The following BACH2 variants were observed in gnomAD, a reference collection of about 807,000 sequenced individuals.
BACH2 encodes BACH transcriptional regulator 2.
A neutral mutation model predicts 61.8 loss-of-function variants in BACH2; 5 were observed. The ratio of observed to expected loss-of-function variants is 0.08; its 90% CI spans 0.04 to 0.17. BACH2 has a LOEUF of 0.17. Ranked by LOEUF, BACH2 falls within the 10% of genes least tolerant of loss-of-function variation. BACH2 has a pLI of 1.00. For missense variants in BACH2, 824 were observed against 1,091.1 expected, an observed-to-expected ratio of 0.76 and a Z score of 3.45; for synonymous variants, 446 against 440.1, an observed-to-expected ratio of 1.01 and a Z score of -0.17.
intron 4 of BACH2, among the ~76,000 whole-genome samples, chr6:90,192,802 A>G (rs1402437891): frequency 6.6e-6 from 1 of 152,234 alleles, no homozygotes; most frequent in Non-Finnish European, 1.5e-5. Flanking sequence ...ACAGTAAGCA[A>G]CCTTAGGCAC....
intron 1 of BACH2, among the ~76,000 whole-genome samples, chr6:90,293,197 C>T (rs943080957): frequency 6.6e-6 from 1 of 152,150 alleles, no homozygotes; most frequent in Non-Finnish European, 1.5e-5. Context: ...TGGCTCTCAC[C>T]CCCTGGACAC....
intron 5 of BACH2, among the ~76,000 whole-genome samples, chr6:90,036,680 T>C (rs1779279566): frequency 6.6e-6 from 1 of 152,222 alleles, no homozygotes; most frequent in Admixed American, 6.5e-5. Context: ...CAGCAGGATA[T>C]TACTTGCTAG....
intron 7 of BACH2, among the ~76,000 whole-genome samples, chr6:89,946,514 G>A (rs1773729643): frequency 6.6e-6 from 1 of 152,208 alleles, no homozygotes; most frequent in Non-Finnish European, 1.5e-5. Context: ...AATGTTTATT[G>A]CAGCAATGTT....
At chr6:90,278,091 T>C (rs1183187292) in intron 1 of BACH2, among the ~76,000 whole-genome samples, 1 of 152,206 alleles carries the variant, frequency 6.6e-6, no homozygotes, top group Non-Finnish European at 1.5e-5. Flanking sequence ...TTTGAGACAC[T>C]TGGTAAATAA....
intron 6 of BACH2, among the ~76,000 whole-genome samples, chr6:89,965,906 T>G (rs1775022650): frequency 6.6e-6 from 1 of 152,198 alleles, no homozygotes; most frequent in African/African-American, 2.4e-5. Context: ...AATCTGACCT[T>G]GATACCTGCT....
chr6:90,053,241 C>A (rs746889211), intron 5 of BACH2, among the ~76,000 whole-genome samples: 8 of 152,104 alleles, frequency 5.3e-5, no homozygotes, highest in East Asian at 1.9e-4. Context: ...ATTTTTCAGA[C>A]CTTTTGCTAT....
rs74621087 is a variant in BACH2 at position 90,038,563 on chromosome 6, T to G, written c.-12-29707A>C. Among the ~76,000 whole-genome samples the G allele has an allele frequency of 0.012, 1,854 of 152,228 alleles. 61 individuals carry two copies. The East Asian group carries it at 0.14, about 11-fold the overall frequency. ...TTTGGTTGGTTCAAATTTCCTAAAATGAATAAAATGGTAAATACTGAAATT... is the reference window on the plus strand; with the variant it reads ...TTTGGTTGGTTCAAATTTCCTAAAAGGAATAAAATGGTAAATACTGAAATT... On this transcript the variant is annotated intron_variant, in intron 5 of 8. Transcript: ENST00000257749.
chr6:90,122,679 C>A (rs760447532), intron 4 of BACH2, among the ~76,000 whole-genome samples: 2 of 152,214 alleles, frequency 1.3e-5, no homozygotes, highest in Non-Finnish European at 2.9e-5. Flanking sequence ...CAAAGAAGAG[C>A]ACAGGCAAGA....
rs1178057857 is a variant in BACH2, at chr6:90,256,823, T to C, written c.-352-4233A>G. ...TACCTATAGTCTTCATACTGCACATTAGATCTCTATACTTGTTCATACTAC... is the reference window on the plus strand; with the variant it reads ...TACCTATAGTCTTCATACTGCACATCAGATCTCTATACTTGTTCATACTAC... On this transcript the variant is annotated intron_variant, in intron 2 of 8. Transcript: ENST00000257749. Among the ~76,000 whole-genome samples, 4 of 152,122 alleles carry C rather than the reference T, an allele frequency of 2.6e-5. No individual in the cohort carries two copies. The East Asian group carries it at 7.7e-4, about 29-fold the overall frequency.
chr6:90,225,081 C>T (rs76137697), intron 3 of BACH2, among the ~76,000 whole-genome samples: 7,964 of 152,124 alleles, frequency 0.052, 651 homozygotes, highest in African/African-American at 0.17. Flanking sequence ...ACAACAACAA[C>T]AACAACAACA....
intron 4 of BACH2, among the ~76,000 whole-genome samples, chr6:90,112,316 T>C (rs1279132614): frequency 1.3e-5 from 2 of 152,124 alleles, no homozygotes; most frequent in African/African-American, 4.8e-5. Flanking sequence ...TTTCCAAGGT[T>C]GAAATGAAAG....
intron 3 of BACH2, among the ~76,000 whole-genome samples, chr6:90,248,876 G>A (rs752620940): frequency 6.6e-6 from 1 of 152,046 alleles, no homozygotes; most frequent in Non-Finnish European, 1.5e-5. Context: ...CTGTCCCAAG[G>A]GCCCAGACCA....
intron 3 of BACH2, among the ~76,000 whole-genome samples, chr6:90,215,668 C>A (rs1003404134): frequency 2.6e-5 from 4 of 152,140 alleles, no homozygotes; most frequent in Non-Finnish European, 5.9e-5. Context: ...AAATGCAATT[C>A]TGCCATATTT....
At chr6:89,991,715 T>C (rs955411296) in intron 6 of BACH2, among the ~76,000 whole-genome samples, 1 of 140,060 alleles carries the variant, frequency 7.1e-6, no homozygotes, top group Non-Finnish European at 1.5e-5. Flanking sequence ...CCTTTATAGA[T>C]TTTTTTTTTT....
chr6:89,932,946 A>C, intron 8 of BACH2, 56 bp from the exon 9 acceptor site: 1 of 1,505,956 alleles, frequency 6.6e-7, no homozygotes, highest in Non-Finnish European at 8.9e-7. Context: ...GGAGGACAGA[A>C]GGCCTCGTTT....
At chr6:90,134,132 T>G (rs1465783855) in intron 4 of BACH2, among the ~76,000 whole-genome samples, 1 of 152,198 alleles carries the variant, frequency 6.6e-6, no homozygotes. Flanking sequence ...TCCACAATGG[T>G]TGAACTAGTT....
At chr6:90,178,495 G>A (rs1768052035) in intron 4 of BACH2, among the ~76,000 whole-genome samples, 2 of 152,128 alleles carry the variant, frequency 1.3e-5, no homozygotes, top group South Asian at 2.1e-4. Context: ...AACGCTAACT[G>A]TACTCCTCGC....
At chr6:89,936,504 G>C (rs892705694) in intron 8 of BACH2, among the ~76,000 whole-genome samples, 3 of 152,206 alleles carry the variant, frequency 2.0e-5, no homozygotes, top group East Asian at 3.9e-4. Context: ...AGGCAGAGAG[G>C]AAGTGGCATA....
chr6:90,139,640 A>C (rs909490639), intron 4 of BACH2, among the ~76,000 whole-genome samples: 6 of 152,340 alleles, frequency 3.9e-5, no homozygotes, highest in African/African-American at 1.2e-4. Context: ...ACAAACCAAC[A>C]GTCCTTCAAC....
Sources: gnomAD v4.1 joint callset for allele counts (sites outside exome capture counted in the v4.1 genomes callset) on GRCh38, gnomAD v4.1.1 for gene constraint, MANE v1.5 for transcripts, NCBI Gene and HGNC (gene_info 2026-07-23, HGNC 2026-07-21) for gene names.